The following OR7C1 variants were observed in gnomAD, a reference collection of about 807,000 sequenced individuals.
The protein encoded by OR7C1 is olfactory receptor family 7 subfamily C member 1, also known as olfactory receptor 7C1.
For missense variants in OR7C1, 324 were observed against 383.3 expected (o/e 0.85, Z 1.29); for synonymous variants, 152 against 160.7 (o/e 0.95, Z 0.41).
chr19:14,826,367 A>T (rs902750747), intron 1 of OR7C1: 2 of 152,270 alleles, frequency 1.3e-5, no homozygotes, highest in African/African-American at 4.8e-5. Context: ...ACAAAATTTT[A>T]TAATGAAGGA....
chr19:14,809,442 C>T (rs2032522035), intron 2 of OR7C1, among the ~76,000 whole-genome samples: 1 of 151,744 alleles, frequency 6.6e-6, no homozygotes, highest in South Asian at 2.1e-4. Flanking sequence ...CAAGAAGAAA[C>T]AGTAATGGAG....
At chr19:14,819,401 A>G (rs961913552) in intron 1 of OR7C1, among the ~76,000 whole-genome samples, 4 of 151,896 alleles carry the variant, frequency 2.6e-5, no homozygotes, top group Middle Eastern at 6.8e-3. Context: ...GCTCCCAGTT[A>G]TAAGTGGGAA....
At chr19:14,834,258 C>T (rs1270686889) in intron 1 of OR7C1, among the ~76,000 whole-genome samples, 6 of 151,988 alleles carry the variant, frequency 3.9e-5, no homozygotes, top group African/African-American at 1.5e-4. Context: ...GAGGCTTGCA[C>T]GACAGAGTGA....
chr19:14,816,158 A>G (rs963735322), intron 1 of OR7C1, among the ~76,000 whole-genome samples: 14 of 152,158 alleles, frequency 9.2e-5, no homozygotes, highest in African/African-American at 3.4e-4. Context: ...TTTCAGTGAA[A>G]GGAGCGTACC....
intron 2 of OR7C1, among the ~76,000 whole-genome samples, chr19:14,802,260 C>T (rs1034906379): frequency 6.6e-6 from 1 of 152,254 alleles, no homozygotes; most frequent in Admixed American, 6.5e-5. Flanking sequence ...TGGCTCACGC[C>T]TGTAATCCCA....
chr19:14,823,905 C>CT (rs200113587), intron 1 of OR7C1, among the ~76,000 whole-genome samples: 3,519 of 139,896 alleles, frequency 0.025, 103 homozygotes, highest in African/African-American at 0.07. Flanking sequence ...CACTATTGTG[C>CT]TTTTTTTTTT....
chr19:14,819,563 T>G (rs745499061), intron 1 of OR7C1, among the ~76,000 whole-genome samples: 9 of 152,188 alleles, frequency 5.9e-5, no homozygotes, highest in Non-Finnish European at 8.8e-5. Flanking sequence ...CTTTAACCAG[T>G]CTATTGTTGA....
chr19:14,819,107 C>A (rs2044729812), intron 1 of OR7C1, among the ~76,000 whole-genome samples: 1 of 143,058 alleles, frequency 7.0e-6, no homozygotes, highest in Non-Finnish European at 1.5e-5. Flanking sequence ...CATCTTTTTT[C>A]TTTATTGCCA....
At chr19:14,820,531 G>A (rs1417173839) in intron 1 of OR7C1, among the ~76,000 whole-genome samples, 2 of 151,618 alleles carry the variant, frequency 1.3e-5, no homozygotes, top group Admixed American at 1.3e-4. Context: ...AAACCTGCAC[G>A]TTCTGCACAT....
intron 1 of OR7C1, among the ~76,000 whole-genome samples, chr19:14,816,055 G>A (rs2145064000): frequency 6.6e-6 from 1 of 152,124 alleles, no homozygotes; most frequent in East Asian, 1.9e-4. Flanking sequence ...GAACTCCTGG[G>A]CTTAAGTAAT....
intron 1 of OR7C1, among the ~76,000 whole-genome samples, chr19:14,832,041 T>G (rs1183516237): frequency 6.6e-6 from 1 of 152,136 alleles, no homozygotes; most frequent in Non-Finnish European, 1.5e-5. Flanking sequence ...CTTGAATGAC[T>G]GGGACGAAAG....
intron 1 of OR7C1, chr19:14,828,113 C>A: frequency 6.2e-7 from 1 of 1,614,086 alleles, no homozygotes; most frequent in Non-Finnish European, 8.5e-7. Context: ...GGATGATGAG[C>A]AGGTTCCCGA....
intron 1 of OR7C1, among the ~76,000 whole-genome samples, chr19:14,830,980 T>A (rs1265073799): frequency 6.6e-6 from 1 of 152,218 alleles, no homozygotes; most frequent in African/African-American, 2.4e-5. Context: ...ACAAGCACTA[T>A]CCTATAAAAT....
chr19:14,798,590 TG>T (rs1409550669), exon 5 of OR7C1: 2 of 152,230 alleles, frequency 1.3e-5, no homozygotes. Flanking sequence ...CCAGAGAAAA[TG>T]GGTTGCCAGT....
At chr19:14,814,497 C>T (rs980862556) in intron 1 of OR7C1, among the ~76,000 whole-genome samples, 1 of 151,932 alleles carries the variant, frequency 6.6e-6, no homozygotes, top group African/African-American at 2.4e-5. Context: ...GATCTCGGCT[C>T]ACTGCAACCT....
chr19:14,800,495 C>T (rs1442087669), intron 3 of OR7C1, 38 bp downstream of exon 3: 2 of 203,986 alleles, frequency 9.8e-6, no homozygotes, highest in Non-Finnish European at 2.0e-5. Flanking sequence ...GTTTCACATG[C>T]ATATTAGTGA....
intron 1 of OR7C1, among the ~76,000 whole-genome samples, chr19:14,834,563 G>A (rs796571277): frequency 1.8e-4 from 27 of 152,232 alleles, no homozygotes; most frequent in African/African-American, 6.0e-4. Context: ...AATACCTAGC[G>A]TAAGAGAAAA....
chr19:14,822,625 A>G (rs913990011), intron 1 of OR7C1, among the ~76,000 whole-genome samples: 1 of 150,906 alleles, frequency 6.6e-6, no homozygotes. Context: ...CTCGTGATCC[A>G]CCCGCCTCAG....
intron 1 of OR7C1, among the ~76,000 whole-genome samples, chr19:14,811,305 T>C (rs1419467304): frequency 1.3e-5 from 2 of 151,860 alleles, no homozygotes; most frequent in Non-Finnish European, 2.9e-5. Flanking sequence ...GTGATTCTGT[T>C]CCTCGGCTTT....
Sources: gnomAD v4.1 joint callset for allele counts (sites outside exome capture counted in the v4.1 genomes callset) on GRCh38, gnomAD v4.1.1 for gene constraint, MANE v1.5 for transcripts, NCBI Gene and HGNC (gene_info 2026-07-23, HGNC 2026-07-21) for gene names.